TAPT1: variants seen among roughly 807,000 people sequenced by gnomAD.
TAPT1 encodes the protein transmembrane anterior posterior transformation 1.
TAPT1 carries 28 observed loss-of-function variants against 65.6 expected under a neutral mutation model. The ratio of observed to expected loss-of-function variants is 0.43; its 90% CI spans 0.32 to 0.59. TAPT1 has a LOEUF of 0.59. Ranked by LOEUF, TAPT1 falls within the 20% of genes least tolerant of loss-of-function variation. The probability of loss-of-function intolerance (pLI) is 0.09; values close to 1 mark genes in which losing one functional copy is unlikely to be tolerated. For synonymous variants in TAPT1, 278 were observed against 245.2 expected (o/e 1.13, Z -1.25); for missense variants, 563 against 679.9 (o/e 0.83, Z 1.91).
intron 3 of TAPT1, among the ~76,000 whole-genome samples, chr4:16,196,204 T>C (rs542883959): frequency 1.7e-4 from 26 of 152,366 alleles, no homozygotes; most frequent in Admixed American, 7.2e-4. Context: ...GTTTGACTCA[T>C]ATGTAACAGA....
At chr4:16,173,942 T>TA (rs1748165169) in intron 11 of TAPT1, among the ~76,000 whole-genome samples, 1 of 152,066 alleles carries the variant, frequency 6.6e-6, no homozygotes, top group African/African-American at 2.4e-5. Flanking sequence ...ACTAAATGAA[T>TA]AAGCAAAAAA....
intron 4 of TAPT1, among the ~76,000 whole-genome samples, chr4:16,188,898 T>C (rs899323187): frequency 1.3e-5 from 2 of 151,628 alleles, no homozygotes; most frequent in Non-Finnish European, 2.9e-5. Context: ...CCAGCCTGGG[T>C]GACAGCGCGA....
chr4:16,211,770 C>A (rs1463115588), intron 2 of TAPT1, among the ~76,000 whole-genome samples: 20 of 152,048 alleles, frequency 1.3e-4, no homozygotes, highest in Admixed American at 1.3e-3. Flanking sequence ...AATACTTCTT[C>A]TATTTTCTTA....
chr4:16,169,313 T>C (rs1488484204), intron 12 of TAPT1, among the ~76,000 whole-genome samples: 1 of 152,236 alleles, frequency 6.6e-6, no homozygotes, highest in Non-Finnish European at 1.5e-5. Flanking sequence ...GGTTTTCAGA[T>C]GTAGCATATA....
chr4:16,172,131 T>C (rs886898670), intron 11 of TAPT1, among the ~76,000 whole-genome samples: 4 of 152,100 alleles, frequency 2.6e-5, no homozygotes, highest in African/African-American at 9.7e-5. Context: ...ACACTGCAGG[T>C]GTTCCAAAAG....
intron 2 of TAPT1, among the ~76,000 whole-genome samples, chr4:16,205,686 C>T (rs938950439): frequency 6.6e-6 from 1 of 151,816 alleles, no homozygotes; most frequent in Non-Finnish European, 1.5e-5. Context: ...AGAAGACAGG[C>T]ACTAGATTTT....
At chr4:16,219,441 T>C (rs969353342) in intron 1 of TAPT1, among the ~76,000 whole-genome samples, 11 of 152,230 alleles carry the variant, frequency 7.2e-5, no homozygotes, top group Non-Finnish European at 1.3e-4. Context: ...TGTATCCCTA[T>C]ATTCTCGAAG....
intron 1 of TAPT1, among the ~76,000 whole-genome samples, chr4:16,215,140 A>C (rs113374690): frequency 0.013 from 2,029 of 152,040 alleles, 45 homozygotes; most frequent in African/African-American, 0.046. Flanking sequence ...TACAAAAAAA[A>C]ATTAGCCGGG....
At chr4:16,209,223 C>T (rs1369398966) in intron 2 of TAPT1, among the ~76,000 whole-genome samples, 4 of 152,136 alleles carry the variant, frequency 2.6e-5, no homozygotes, top group South Asian at 2.1e-4. Flanking sequence ...CCTGGATCCT[C>T]GTCCCAGGTC....
Position 16,179,659 on chromosome 4 carries a change from T to A in TAPT1, c.917-2A>T, listed in dbSNP as rs1308286914. ...AATTTGTGAATCGTTCCTTAATATCTAAAAGAAAAAAAATCAACATAAGTA... is the reference window on the plus strand; with the variant it reads ...AATTTGTGAATCGTTCCTTAATATCAAAAAGAAAAAAAATCAACATAAGTA... On this transcript the variant is annotated splice_acceptor_variant, in intron 7 of 13. Transcript: ENST00000405303. LOFTEE classifies it high-confidence loss of function. The A allele has an allele frequency of 2.7e-6, 4 of 1,504,330 alleles. No homozygotes were observed. The highest frequency in any genetic ancestry group is 2.8e-5 in the African/African-American group (2 of 70,790). 93.2% of individuals were successfully genotyped at this position (1,504,330 alleles called of 1,614,324 possible).
At chr4:16,207,915 A>G (rs1296345342) in intron 2 of TAPT1, among the ~76,000 whole-genome samples, 11 of 152,244 alleles carry the variant, frequency 7.2e-5, no homozygotes, top group Admixed American at 7.2e-4. Flanking sequence ...AAGGCATGGT[A>G]ACAATGAAAT....
intron 2 of TAPT1, among the ~76,000 whole-genome samples, chr4:16,204,302 T>TGA (rs1750214274): frequency 6.6e-6 from 1 of 152,208 alleles, no homozygotes; most frequent in Non-Finnish European, 1.5e-5. Flanking sequence ...TCCAAAGCAC[T>TGA]GAAGACAGTT....
At chr4:16,220,020 A>G (rs773897770) in intron 1 of TAPT1, among the ~76,000 whole-genome samples, 3 of 152,194 alleles carry the variant, frequency 2.0e-5, no homozygotes, top group Non-Finnish European at 4.4e-5. Flanking sequence ...CTCTGCCAGG[A>G]CCATTCCCAC....
intron 3 of TAPT1, among the ~76,000 whole-genome samples, chr4:16,201,873 A>G (rs1351183540): frequency 6.6e-6 from 1 of 152,168 alleles, no homozygotes; most frequent in Non-Finnish European, 1.5e-5. Flanking sequence ...ACAGCTCACA[A>G]GCTAATCAAT....
At chr4:16,212,028 G>A (rs1024544449) in intron 2 of TAPT1, among the ~76,000 whole-genome samples, 2 of 152,192 alleles carry the variant, frequency 1.3e-5, no homozygotes, top group African/African-American at 4.8e-5. Flanking sequence ...AGAAGGAAGC[G>A]TGAAACCAGC....
At position 16,210,804 on chromosome 4, in the gene TAPT1, T is replaced by C. The variant is rs145185084; in HGVS notation, c.330+2964A>G. Among the ~76,000 whole-genome samples the C allele has an allele frequency of 2.0e-4, 31 of 152,232 alleles. No individual in the cohort carries two copies. The East Asian group carries it at 5.8e-3, about 28-fold the overall frequency. On this transcript the variant is annotated intron_variant, in intron 2 of 13. Transcript: ENST00000405303. ...CATAAACAGCAGAAGATCTGGTACATAGAACCCAAGGGGTTGTAGGGTCAG... is the reference window on the plus strand; with the variant it reads ...CATAAACAGCAGAAGATCTGGTACACAGAACCCAAGGGGTTGTAGGGTCAG...
chr4:16,205,919 C>T (rs1750316629), intron 2 of TAPT1, among the ~76,000 whole-genome samples: 1 of 151,966 alleles, frequency 6.6e-6, no homozygotes, highest in Admixed American at 6.5e-5. Context: ...TAAAGAGGTA[C>T]CTGAAGATGA....
At chr4:16,216,621 A>T (rs1750956565) in intron 1 of TAPT1, among the ~76,000 whole-genome samples, 1 of 152,342 alleles carries the variant, frequency 6.6e-6, no homozygotes, top group South Asian at 2.1e-4. Flanking sequence ...CTAGAAGCCC[A>T]GGGCCAATCT....
chr4:16,212,887 C>G (rs1057301432), intron 2 of TAPT1, among the ~76,000 whole-genome samples: 2 of 152,162 alleles, frequency 1.3e-5, no homozygotes, highest in African/African-American at 4.8e-5. Flanking sequence ...AACTGATAGA[C>G]TATCAGAAAT....
Sources: allele counts gnomAD v4.1 joint callset (sites outside exome capture counted in the v4.1 genomes callset), GRCh38; gene constraint gnomAD v4.1.1; transcripts MANE v1.5; gene names NCBI Gene and HGNC (gene_info 2026-07-23, HGNC 2026-07-21).